Variants in SPATA6 observed in about 807,000 individuals in gnomAD.
The protein encoded by SPATA6 is spermatogenesis-associated protein 6.
Under a neutral mutation model 65.3 loss-of-function variants are expected in SPATA6, and 56 were observed. The observed-to-expected ratio is 0.86, with a 90% CI of 0.69 to 1.07. The LOEUF is 1.07. Ranked by LOEUF, SPATA6 falls within the 50% of genes least tolerant of loss-of-function variation. The pLI, the probability that SPATA6 is intolerant of heterozygous loss-of-function variation, is 0.00. For synonymous variants in SPATA6, 199 were observed against 213.2 expected, an observed-to-expected ratio of 0.93 and a Z score of 0.58; for missense variants, 590 against 594.8, an observed-to-expected ratio of 0.99 and a Z score of 0.08.
the SPATA6 span, among the ~76,000 whole-genome samples, chr1:48,275,376 GT>G: frequency 6.6e-6 from 1 of 152,186 alleles, no homozygotes; most frequent in Non-Finnish European, 1.5e-5. Context: ...CCAACACTAT[GT>G]TGAATAGGAG....
At chr1:48,376,116 G>C (rs1336246715) in intron 9 of SPATA6, among the ~76,000 whole-genome samples, 1 of 152,204 alleles carries the variant, frequency 6.6e-6, no homozygotes, top group East Asian at 1.9e-4. Context: ...CTTATCTCCT[G>C]TGTTATGTTC....
In SPATA6 at chr1:48,396,173, T is replaced by C. The variant is rs866383536; in HGVS notation, c.781-819A>G. Among the ~76,000 whole-genome samples the C allele has an allele frequency of 1.6e-4, 25 of 151,934 alleles. No individual in the cohort carries two copies. In the South Asian group the frequency reaches 3.1e-3, roughly 19 times the overall value. On this transcript the variant is annotated intron_variant, in intron 7 of 12. Coordinates refer to ENST00000371847, the MANE Select transcript of SPATA6 (RefSeq NM_019073.4). Reference sequence around the variant, plus strand: ...ATAGTGAGATACTACTTCACTGTAATTTTGAGATACCACAAAATCATAGTG... The same window carrying C: ...ATAGTGAGATACTACTTCACTGTAACTTTGAGATACCACAAAATCATAGTG...
intron 3 of SPATA6, among the ~76,000 whole-genome samples, chr1:48,419,996 T>C (rs993328898): frequency 6.6e-6 from 1 of 152,150 alleles, no homozygotes; most frequent in African/African-American, 2.4e-5. Context: ...TACTGACTGA[T>C]AGCTTCAGGA....
At chr1:48,327,354 T>C (rs1645793873) in intron 11 of SPATA6, among the ~76,000 whole-genome samples, 1 of 152,182 alleles carries the variant, frequency 6.6e-6, no homozygotes, top group South Asian at 2.1e-4. Context: ...CAGCAGATGC[T>C]GGCATGAATG....
rs752387729 is a variant in SPATA6 at position 48,339,057 on chromosome 1, C to A, written c.1194+16613G>T. ...GAGAGCAGGGGACTGAAATACATGA[C>A]CAATTTCTGAAACTTCCTAGTGTGA... On this transcript the variant is annotated intron_variant, in intron 11 of 12. Transcript: ENST00000371847. 5.6e-4 allele frequency among the ~76,000 whole-genome samples: 85 copies of A among 151,990 alleles called. 1 individual carries two copies. The highest frequency in any genetic ancestry group is 1.1e-3 in the Non-Finnish European group (75 of 67,924).
intron 3 of SPATA6, among the ~76,000 whole-genome samples, chr1:48,430,381 C>T (rs541095446): frequency 6.6e-6 from 1 of 152,176 alleles, no homozygotes; most frequent in East Asian, 1.9e-4. Context: ...TCAAGCAAAA[C>T]TCTCCTTCAA....
chr1:48,434,646 C>A (rs1050066977), intron 3 of SPATA6, among the ~76,000 whole-genome samples: 4 of 151,988 alleles, frequency 2.6e-5, no homozygotes, highest in African/African-American at 7.2e-5. Flanking sequence ...GCTTTTCAGG[C>A]AGTACATTTG....
the SPATA6 span, among the ~76,000 whole-genome samples, chr1:48,289,286 G>A: frequency 6.6e-6 from 1 of 152,218 alleles, no homozygotes; most frequent in Non-Finnish European, 1.5e-5. Context: ...TGAGGGTCCT[G>A]ACTGTTTGAA....
chr1:48,328,186 T>C (rs1219475833), intron 11 of SPATA6, among the ~76,000 whole-genome samples: 4 of 151,998 alleles, frequency 2.6e-5, no homozygotes, highest in Admixed American at 6.6e-5. Context: ...TCAGAAAAGA[T>C]AGCTAATAAA....
intron 9 of SPATA6, among the ~76,000 whole-genome samples, chr1:48,379,674 CA>C (rs1404472130): frequency 6.6e-6 from 1 of 152,072 alleles, no homozygotes; most frequent in Non-Finnish European, 1.5e-5. Flanking sequence ...GTAGTATTTC[CA>C]AACTTCAGTC....
At chr1:48,268,547 T>C in the SPATA6 span, among the ~76,000 whole-genome samples, 1 of 148,680 alleles carries the variant, frequency 6.7e-6, no homozygotes, top group African/African-American at 2.5e-5. Context: ...AACGTAAGTG[T>C]GCTAAATTAA....
chr1:48,290,103 G>T, the SPATA6 span, among the ~76,000 whole-genome samples: 2 of 152,142 alleles, frequency 1.3e-5, no homozygotes, highest in African/African-American at 2.4e-5. Flanking sequence ...GCCAGAGAAA[G>T]GTTGGGTTAC....
intron 9 of SPATA6, among the ~76,000 whole-genome samples, chr1:48,368,023 T>C (rs544064508): frequency 1.8e-4 from 27 of 152,308 alleles, no homozygotes; most frequent in African/African-American, 6.5e-4. Flanking sequence ...TTTGCTTGTC[T>C]GTATAGTATT....
At chr1:48,329,713 G>A (rs749245648) in intron 11 of SPATA6, among the ~76,000 whole-genome samples, 3 of 152,196 alleles carry the variant, frequency 2.0e-5, no homozygotes, top group Non-Finnish European at 2.9e-5. Context: ...GAATCCATCA[G>A]GGCAGAGGAA....
chr1:48,294,070 TAGA>T (rs1464264204), downstream of SPATA6, among the ~76,000 whole-genome samples: 1 of 152,230 alleles, frequency 6.6e-6, no homozygotes, highest in African/African-American at 2.4e-5. Flanking sequence ...TGTAGCTAGT[TAGA>T]AGGAGGATTT....
At chr1:48,405,582 G>C (rs915001963) in intron 5 of SPATA6, among the ~76,000 whole-genome samples, 1 of 152,158 alleles carries the variant, frequency 6.6e-6, no homozygotes, top group East Asian at 1.9e-4. Flanking sequence ...AGAACATTCA[G>C]CAACTCATAA....
At position 48,435,792 on chromosome 1, in the gene SPATA6, C is replaced by T. The variant is rs1161604879; in HGVS notation, c.238+15760G>A. ...GCCTAGAGCACTCGCCTCGCCCCTC[C>T]GCGAGCAGGGCTCTGGCGCCCGCCC... is the stretch of plus-strand genomic sequence containing the variant. On this transcript the variant is annotated intron_variant, in intron 3 of 12. Coordinates refer to ENST00000371847, the MANE Select transcript of SPATA6 (RefSeq NM_019073.4). 4.6e-5 allele frequency among the ~76,000 whole-genome samples: 7 copies of T among 152,302 alleles called. No individual in the cohort carries two copies. In the South Asian group the frequency reaches 1.0e-3, roughly 23 times the overall value.
intron 3 of SPATA6, among the ~76,000 whole-genome samples, chr1:48,424,966 C>T (rs1463072656): frequency 2.6e-5 from 4 of 152,096 alleles, no homozygotes; most frequent in Admixed American, 1.3e-4. Context: ...TGTTTGTATT[C>T]TTTGCTGTGC....
the SPATA6 span, among the ~76,000 whole-genome samples, chr1:48,280,039 C>T: frequency 1.5e-4 from 23 of 152,212 alleles, no homozygotes; most frequent in African/African-American, 3.6e-4. Flanking sequence ...CACTGAAAAC[C>T]GCTCAACTAC....
Sources: allele counts gnomAD v4.1 joint callset (sites outside exome capture counted in the v4.1 genomes callset), GRCh38; gene constraint gnomAD v4.1.1; transcripts MANE v1.5; gene names NCBI Gene and HGNC (gene_info 2026-07-23, HGNC 2026-07-21).